The following NRP1 variants were observed in gnomAD, a reference collection of about 807,000 sequenced individuals.
NRP1 encodes neuropilin-1.
A neutral mutation model predicts 106.7 loss-of-function variants in NRP1; 35 were observed. The observed-to-expected ratio is 0.33, with a 90% CI of 0.25 to 0.43. NRP1 has a LOEUF of 0.43. NRP1 is among the 20% of genes least tolerant of loss of function. NRP1 has a pLI of 1.00. For missense variants in NRP1, 1,024 were observed against 1,170.4 expected (o/e 0.87, Z 1.83); for synonymous variants, 437 against 417.9 (o/e 1.05, Z -0.56).
At chr10:33,249,898 G>T (rs376851917) in intron 6 of NRP1, among the ~76,000 whole-genome samples, 1 of 147,178 alleles carries the variant, frequency 6.8e-6, no homozygotes, top group Admixed American at 6.8e-5. Context: ...ATGATGCATT[G>T]TTTTTTTTTT....
chr10:33,180,327 T>C lies in NRP1; in HGVS notation c.2521A>G (p.Lys841Glu). Residue 841 changes from lysine (K) to glutamate (E), a missense_variant, in exon 17 of 17, where the codon AAG (lysine) becomes GAG (glutamate). Lys to Glu is a moderately conservative substitution (Grantham distance 56, BLOSUM62 1). Transcript: ENST00000374867. ...TTGCCTGGCTTCCTGGAGATGTTCT[T>C]GTCACCTTCTCCTTCACCTTCGTAT... is the stretch of plus-strand genomic sequence containing the variant. Reference protein sequence around the residue: ...PGYEGEGEGDKNISRKPGNVL... With the variant: ...PGYEGEGEGDENISRKPGNVL... 1.2e-6 allele frequency: 2 copies of C among 1,605,790 alleles called. No individual in the cohort carries two copies. The highest frequency in any genetic ancestry group is 1.1e-5 in the South Asian group (1 of 90,730).
At chr10:33,264,400 A>C (rs1842780398) in intron 3 of NRP1, among the ~76,000 whole-genome samples, 1 of 152,214 alleles carries the variant, frequency 6.6e-6, no homozygotes, top group African/African-American at 2.4e-5. Context: ...TAATTCGTAC[A>C]TGTACCAAGG....
chr10:33,290,452 C>G (rs1354540063), intron 2 of NRP1, among the ~76,000 whole-genome samples: 1 of 151,404 alleles, frequency 6.6e-6, no homozygotes, highest in African/African-American at 2.4e-5. Context: ...TAATTCCAGT[C>G]GCCAGATGAT....
intron 2 of NRP1, among the ~76,000 whole-genome samples, chr10:33,327,633 T>C (rs147031558): frequency 1.3e-5 from 2 of 152,184 alleles, no homozygotes; most frequent in Non-Finnish European, 2.9e-5. Flanking sequence ...ATGAATTTGT[T>C]CTTCAAATAA....
chr10:33,309,644 G>T (rs1276479348), intron 2 of NRP1, among the ~76,000 whole-genome samples: 1 of 152,198 alleles, frequency 6.6e-6, no homozygotes, highest in East Asian at 1.9e-4. Context: ...GCTTTCTGTA[G>T]CAAGACACTG....
intron 4 of NRP1, among the ~76,000 whole-genome samples, chr10:33,260,024 T>C (rs1842467761): frequency 6.6e-6 from 1 of 151,908 alleles, no homozygotes; most frequent in Non-Finnish European, 1.5e-5. Flanking sequence ...CCAGCTAATT[T>C]TTAAATTTTT....
At chr10:33,205,655 C>T (rs1043442729) in intron 10 of NRP1, 1 of 152,836 alleles carries the variant, frequency 6.5e-6, no homozygotes, top group Non-Finnish European at 1.5e-5. Flanking sequence ...GGACACAAGA[C>T]AGGATGAGCC....
At chr10:33,218,608 G>T (rs1171974781) in intron 8 of NRP1, among the ~76,000 whole-genome samples, 1 of 152,112 alleles carries the variant, frequency 6.6e-6, no homozygotes, top group Non-Finnish European at 1.5e-5. Context: ...GCCTCCCAAA[G>T]TGCTGGGATT....
intron 4 of NRP1, among the ~76,000 whole-genome samples, chr10:33,262,886 C>T (rs954663128): frequency 1.3e-5 from 2 of 152,224 alleles, no homozygotes; most frequent in East Asian, 3.9e-4. Context: ...TTATTTGTAA[C>T]GTGCATTGTT....
intron 7 of NRP1, among the ~76,000 whole-genome samples, chr10:33,224,532 A>T (rs1421071474): frequency 6.7e-6 from 1 of 149,386 alleles, no homozygotes; most frequent in Non-Finnish European, 1.5e-5. Context: ...CTTTCACCTC[A>T]TGGTTCCATT....
chr10:33,188,934 T>TATATATATATATATATATATAA (rs1564364494), intron 13 of NRP1, among the ~76,000 whole-genome samples: 7 of 144,306 alleles, frequency 4.9e-5, no homozygotes, highest in African/African-American at 1.6e-4. Flanking sequence ...TATATATATA[T>TATATATATATATATATATATAA]ATAAATTAAA....
At chr10:33,252,324 C>G (rs1841926110) in intron 6 of NRP1, among the ~76,000 whole-genome samples, 1 of 152,124 alleles carries the variant, frequency 6.6e-6, no homozygotes, top group African/African-American at 2.4e-5. Flanking sequence ...GGCAAGAAAC[C>G]CTGGGATACA....
chr10:33,247,921 C>T (rs1841544372), intron 6 of NRP1, among the ~76,000 whole-genome samples: 1 of 152,184 alleles, frequency 6.6e-6, no homozygotes. Flanking sequence ...CCTCAGTTTT[C>T]TCATGTGAAG....
intron 2 of NRP1, among the ~76,000 whole-genome samples, chr10:33,306,355 G>GGTGTGTGT (rs61242197): frequency 0.035 from 5,222 of 148,066 alleles, 115 homozygotes; most frequent in East Asian, 0.068. Context: ...GGGTCAGAAG[G>GGTGTGTGT]GTGTGTGTGT....
chr10:33,235,111 C>T (rs1353793276), intron 6 of NRP1, among the ~76,000 whole-genome samples: 2 of 152,170 alleles, frequency 1.3e-5, no homozygotes, highest in Non-Finnish European at 2.9e-5. Flanking sequence ...TTTCTTTTTG[C>T]ATAAATCAGG....
intron 2 of NRP1, among the ~76,000 whole-genome samples, chr10:33,274,510 T>C (rs1843544127): frequency 6.6e-6 from 1 of 152,208 alleles, no homozygotes; most frequent in Non-Finnish European, 1.5e-5. Context: ...AGAAATGTAT[T>C]CAGTCACTGA....
chr10:33,265,008 G>C (rs1842829844), intron 3 of NRP1, among the ~76,000 whole-genome samples: 1 of 152,062 alleles, frequency 6.6e-6, no homozygotes, highest in Admixed American at 6.6e-5. Context: ...TACCCAAGAG[G>C]CTGAGACAGG....
intron 1 of NRP1, among the ~76,000 whole-genome samples, chr10:33,331,333 G>A (rs998047479): frequency 3.3e-5 from 5 of 152,196 alleles, no homozygotes; most frequent in Non-Finnish European, 7.3e-5. Flanking sequence ...CCTGGTCTAT[G>A]TCATTGATCA....
At chr10:33,333,528 G>A (rs888714190) in intron 1 of NRP1, among the ~76,000 whole-genome samples, 2 of 152,122 alleles carry the variant, frequency 1.3e-5, no homozygotes, top group African/African-American at 4.8e-5. Flanking sequence ...AATTGCTGAC[G>A]ACTTACTGTA....
Sources: allele counts gnomAD v4.1 joint callset (sites outside exome capture counted in the v4.1 genomes callset), GRCh38; gene constraint gnomAD v4.1.1; transcripts MANE v1.5; gene names NCBI Gene and HGNC (gene_info 2026-07-23, HGNC 2026-07-21).